CAP2: variants seen among roughly 807,000 people sequenced by gnomAD.
CAP2 encodes adenylyl cyclase-associated protein 2.
In CAP2, 24 loss-of-function variants were observed where a neutral mutation model predicts 57.7. The observed-to-expected ratio is 0.42, with a 90% CI of 0.30 to 0.58. The LOEUF (loss-of-function observed/expected upper bound fraction) is 0.58. CAP2 is among the 20% of genes least tolerant of loss of function. The pLI, the probability that CAP2 is intolerant of heterozygous loss-of-function variation, is 0.22. For synonymous variants in CAP2, 194 were observed against 207.2 expected (o/e 0.94, Z 0.55); for missense variants, 501 against 590.3 (o/e 0.85, Z 1.57).
chr6:17,444,566 G>A (rs1049856632), intron 3 of CAP2, among the ~76,000 whole-genome samples: 3 of 150,520 alleles, frequency 2.0e-5, no homozygotes, highest in African/African-American at 7.4e-5. Flanking sequence ...GCTTGATTCC[G>A]GAAGGCAGAG....
chr6:17,461,992 C>CAAAAAAAAAAAAAA lies in CAP2; in HGVS notation c.223-986_223-973dup, dbSNP rs567675285. Among the ~76,000 whole-genome samples, 60 of 27,852 alleles carry CAAAAAAAAAAAAAA rather than the reference C, an allele frequency of 2.2e-3. 3 individuals carry two copies. Among genetic ancestry groups the CAAAAAAAAAAAAAA allele is most frequent in the East Asian group, 4.4e-3 (4 of 904 alleles). 18.3% of individuals were successfully genotyped at this position (27,852 alleles called of 152,430 possible). On this transcript the variant is annotated intron_variant, in intron 3 of 12. Transcript: ENST00000229922. ...TGGGCAACAGGGCGAGACTCCGTCT[C>CAAAAAAAAAAAAAA]AAAAAAAAAAAAAAAAAAAAAAAAA... is the stretch of plus-strand genomic sequence containing the variant.
intron 7 of CAP2, among the ~76,000 whole-genome samples, chr6:17,526,617 G>A (rs369573418): frequency 2.6e-5 from 4 of 152,158 alleles, no homozygotes; most frequent in South Asian, 2.1e-4. Context: ...AGGGAAATGG[G>A]GGAAGGTGCA....
chr6:17,488,616 C>T (rs544618451), intron 4 of CAP2, among the ~76,000 whole-genome samples: 3 of 152,090 alleles, frequency 2.0e-5, no homozygotes, highest in Non-Finnish European at 4.4e-5. Flanking sequence ...AATGTTAAAT[C>T]GGCCTCAACC....
chr6:17,452,984 A>G (rs879792524), intron 3 of CAP2, among the ~76,000 whole-genome samples: 7 of 152,242 alleles, frequency 4.6e-5, no homozygotes, highest in South Asian at 2.1e-4. Context: ...CACAGGACTG[A>G]TAGCAAAAGT....
rs185160038 is a variant in CAP2 at position 17,395,143 on chromosome 6, T to A, written c.-2+1397T>A. ...CAAGGTGGTCTTTGCTAGTAGGAAG[T>A]AAGTTTTTGTTCCCCATCGTTAATG... On this transcript the variant is annotated intron_variant, in intron 1 of 12. Coordinates refer to ENST00000229922, the MANE Select transcript of CAP2 (RefSeq NM_006366.3). Among the ~76,000 whole-genome samples the A allele has an allele frequency of 6.2e-4, 95 of 152,304 alleles. 1 individual carries two copies. The highest frequency in any genetic ancestry group is 2.2e-3 in the African/African-American group (92 of 41,574).
chr6:17,547,577 C>G (rs761525124), intron 11 of CAP2, among the ~76,000 whole-genome samples: 1 of 152,192 alleles, frequency 6.6e-6, no homozygotes, highest in African/African-American at 2.4e-5. Context: ...CACGGTGGCT[C>G]ACGCCTGTAA....
intron 4 of CAP2, among the ~76,000 whole-genome samples, chr6:17,477,091 A>G (rs1761168137): frequency 6.6e-6 from 1 of 151,862 alleles, no homozygotes; most frequent in African/African-American, 2.4e-5. Context: ...GAATGGTCTC[A>G]ATCTCCTGAC....
chr6:17,444,245 A>G (rs1760180589), intron 3 of CAP2, among the ~76,000 whole-genome samples: 1 of 152,198 alleles, frequency 6.6e-6, no homozygotes, highest in Non-Finnish European at 1.5e-5. Flanking sequence ...AAGTATTTAA[A>G]TGGATGAATC....
At chr6:17,533,134 T>C (rs1222268937) in intron 7 of CAP2, among the ~76,000 whole-genome samples, 1 of 145,052 alleles carries the variant, frequency 6.9e-6, no homozygotes, top group Non-Finnish European at 1.5e-5. Flanking sequence ...TAATAAAATC[T>C]AAAGTAATAA....
At chr6:17,543,290 C>A in intron 11 of CAP2, 147 bp downstream of exon 11, 2 of 672,622 alleles carry the variant, frequency 3.0e-6, no homozygotes, top group East Asian at 5.4e-5. Context: ...CTGTAAGCTG[C>A]GGCCTTGCAC....
intron 4 of CAP2, among the ~76,000 whole-genome samples, chr6:17,484,433 G>A (rs1321589940): frequency 2.0e-5 from 3 of 152,058 alleles, no homozygotes; most frequent in African/African-American, 4.8e-5. Flanking sequence ...TGCATCTGGC[G>A]GCATCATGAG....
chr6:17,543,347 G>C (rs558126743), intron 11 of CAP2, among the ~76,000 whole-genome samples: 42 of 152,296 alleles, frequency 2.8e-4, no homozygotes, highest in Admixed American at 1.2e-3. Context: ...GCCAGTCGCG[G>C]TGGCTCACGC....
intron 7 of CAP2, among the ~76,000 whole-genome samples, chr6:17,523,012 G>A (rs898571115): frequency 5.3e-5 from 8 of 152,198 alleles, no homozygotes; most frequent in African/African-American, 1.4e-4. Flanking sequence ...GGGATTACAG[G>A]TGTGAGCCAC....
chr6:17,487,556 G>A (rs1016782316), intron 4 of CAP2, among the ~76,000 whole-genome samples: 10 of 152,006 alleles, frequency 6.6e-5, no homozygotes, highest in Admixed American at 3.3e-4. Context: ...TGCAACCTCC[G>A]CCTCCCGGGT....
At chr6:17,459,852 C>T (rs570058484) in intron 3 of CAP2, among the ~76,000 whole-genome samples, 4 of 152,036 alleles carry the variant, frequency 2.6e-5, no homozygotes, top group Admixed American at 1.3e-4. Context: ...CAGAGAGACT[C>T]TAAAAGATAT....
chr6:17,454,083 T>A (rs7741651), intron 3 of CAP2, among the ~76,000 whole-genome samples: 1 of 151,544 alleles, frequency 6.6e-6, no homozygotes, highest in Non-Finnish European at 1.5e-5. Flanking sequence ...GCTAATTTTT[T>A]AATTTTTATA....
chr6:17,478,406 A>G (rs1761209973), intron 4 of CAP2, among the ~76,000 whole-genome samples: 1 of 150,396 alleles, frequency 6.6e-6, no homozygotes, highest in Admixed American at 6.7e-5. Flanking sequence ...TCAGCCTCTC[A>G]AAGTGCTGAG....
chr6:17,545,366 C>T (rs1014326930), intron 11 of CAP2, among the ~76,000 whole-genome samples: 3 of 152,038 alleles, frequency 2.0e-5, no homozygotes, highest in East Asian at 3.9e-4. Context: ...ATCTGAAATA[C>T]ACAACCAAGT....
chr6:17,531,041 G>A lies in CAP2; in HGVS notation c.637-8228G>A, dbSNP rs1383161915. 3.5e-6 allele frequency: 3 copies of A among 857,170 alleles called. No individual in the cohort carries two copies. In the Admixed American group the frequency reaches 5.1e-5, roughly 15 times the overall value. The allele number at this position is 857,170 out of a possible 1,614,324, so 53.1% of individuals were successfully genotyped here. On this transcript the variant is annotated intron_variant, in intron 7 of 12. Coordinates refer to ENST00000229922, the MANE Select transcript of CAP2 (RefSeq NM_006366.3). ...ACAGGAAGTTATTTGCTTCTTTGAA[G>A]TGTTTTCCAATGGTATAGATCTCAT...
Sources: gnomAD v4.1 joint callset for allele counts (sites outside exome capture counted in the v4.1 genomes callset) on GRCh38, gnomAD v4.1.1 for gene constraint, MANE v1.5 for transcripts, NCBI Gene and HGNC (gene_info 2026-07-23, HGNC 2026-07-21) for gene names.